The following ADGRV1 variants were observed in gnomAD, a reference collection of about 807,000 sequenced individuals.
The protein encoded by ADGRV1 is adhesion G protein-coupled receptor V1.
ADGRV1 carries 359 observed loss-of-function variants against 596.2 expected under a neutral mutation model. The ratio of observed to expected loss-of-function variants is 0.60; its 90% CI spans 0.55 to 0.66. The LOEUF is 0.66. Ranked by LOEUF, ADGRV1 falls within the 30% of genes least tolerant of loss-of-function variation. The pLI is 0.00. For missense variants in ADGRV1, 7,274 were observed against 7,575.6 expected (o/e 0.96, Z 1.48); for synonymous variants, 2,681 against 2,679.2 (o/e 1.00, Z -0.02).
chr5:91,062,320 C>T (rs919173388), intron 85 of ADGRV1, among the ~76,000 whole-genome samples: 1 of 152,202 alleles, frequency 6.6e-6, no homozygotes, highest in African/African-American at 2.4e-5. Flanking sequence ...CAGATTGGCT[C>T]AGCTCAGCTT....
intron 89 of ADGRV1, among the ~76,000 whole-genome samples, chr5:91,154,502 A>G (rs2126921784): frequency 6.6e-6 from 1 of 152,364 alleles, no homozygotes; most frequent in East Asian, 1.9e-4. Flanking sequence ...GCGGCGGCGC[A>G]AAGCAGATGC....
chr5:90,736,901 A>T (rs1297679120), intron 50 of ADGRV1, among the ~76,000 whole-genome samples: 3 of 148,788 alleles, frequency 2.0e-5, no homozygotes, highest in South Asian at 2.1e-4. Context: ...TTTTTCTTTT[A>T]AAAAAAAACA....
intron 83 of ADGRV1, among the ~76,000 whole-genome samples, chr5:90,949,856 A>G (rs962512813): frequency 1.3e-5 from 2 of 149,496 alleles, no homozygotes; most frequent in Admixed American, 6.6e-5. Context: ...GACTGTGTGC[A>G]TTGACTCTTT....
In ADGRV1 at chr5:91,140,388, A is replaced by G. The variant is rs1014404025; in HGVS notation, c.18433-9642A>G. Among the ~76,000 whole-genome samples the G allele has an allele frequency of 2.7e-4, 41 of 152,314 alleles. 1 individual carries two copies. The highest frequency in any genetic ancestry group is 9.7e-4 in the East Asian group (5 of 5,180). ...GCTAAACTCTTAAGGCCTTGTTTTC[A>G]AAAAGGTAATTAAAGGACACTGACC... is the stretch of plus-strand genomic sequence containing the variant. On this transcript the variant is annotated intron_variant, in intron 87 of 89. Transcript: ENST00000405460.
Position 90,945,841 on chromosome 5 carries a change from G to C in ADGRV1, c.17857-19574G>C, listed in dbSNP as rs541707337. On this transcript the variant is annotated intron_variant, in intron 83 of 89. Coordinates refer to ENST00000405460, the MANE Select transcript of ADGRV1 (RefSeq NM_032119.4). ...AAAATACAAAAATTTGGTGGGACAT[G>C]GTGGTGTGTGCCTGTAGTCCCAGCT... Among the ~76,000 whole-genome samples, 3 of 152,200 alleles carry C rather than the reference G, an allele frequency of 2.0e-5. No individual in the cohort carries two copies. In the South Asian group the frequency reaches 6.2e-4, roughly 32 times the overall value.
chr5:90,985,257 G>T, intron 84 of ADGRV1, 87 bp from the exon 85 acceptor site: 4 of 821,498 alleles, frequency 4.9e-6, no homozygotes, highest in African/African-American at 1.7e-5. Context: ...GCCTTTTGTT[G>T]GTCGGTAACA....
At chr5:91,089,928 G>A (rs563887680) in intron 86 of ADGRV1, among the ~76,000 whole-genome samples, 1 of 152,240 alleles carries the variant, frequency 6.6e-6, no homozygotes, top group African/African-American at 2.4e-5. Context: ...GCTGAGTTTT[G>A]AGCTCCTTAA....
intron 87 of ADGRV1, among the ~76,000 whole-genome samples, chr5:91,132,512 A>G (rs1368566624): frequency 6.6e-6 from 1 of 152,256 alleles, no homozygotes; most frequent in Admixed American, 6.5e-5. Context: ...ATAAAATCAC[A>G]GAGGTTGCAT....
At chr5:91,082,502 AT>A (rs949953496) in intron 86 of ADGRV1, among the ~76,000 whole-genome samples, 2 of 151,890 alleles carry the variant, frequency 1.3e-5, no homozygotes, top group Non-Finnish European at 2.9e-5. Flanking sequence ...AATTTTTAAA[AT>A]TTTTTTTACA....
chr5:90,683,954 C>A lies in ADGRV1; in HGVS notation c.6033C>A (p.Val2011=), dbSNP rs1187390519. The change falls in exon 28 of 90, where the codon GTC becomes GTA. Residue 2011 remains valine (V), a synonymous_variant. Coordinates refer to ENST00000405460, the MANE Select transcript of ADGRV1 (RefSeq NM_032119.4). ...IIRLKGLMGK[V]LVSYATLDDM... ...GGTTGAAAGGCCTCATGGGAAAAGT[C>A]CTTGTCTCATATGCAACACTAGATG... 35 of 1,613,710 alleles carry A rather than the reference C, an allele frequency of 2.2e-5. No individual in the cohort carries two copies. Among genetic ancestry groups the A allele is most frequent in the Non-Finnish European group, 2.9e-5 (34 of 1,179,866 alleles).
chr5:91,071,172 A>C (rs1193439945), intron 85 of ADGRV1, among the ~76,000 whole-genome samples: 2 of 152,152 alleles, frequency 1.3e-5, no homozygotes, highest in Non-Finnish European at 2.9e-5. Flanking sequence ...GGGAGAGAGC[A>C]GGTAGCTTGG....
intron 52 of ADGRV1, among the ~76,000 whole-genome samples, chr5:90,746,233 G>A (rs987797850): frequency 8.0e-6 from 1 of 124,760 alleles, no homozygotes; most frequent in Non-Finnish European, 1.6e-5. Flanking sequence ...GAGAATGAGA[G>A]GTGGGGTGGG....
intron 20 of ADGRV1, among the ~76,000 whole-genome samples, chr5:90,657,202 G>A (rs182979898): frequency 1.3e-5 from 2 of 150,594 alleles, no homozygotes; most frequent in African/African-American, 2.4e-5. Context: ...TGGGAGGATC[G>A]CTTGAGGCCA....
Position 91,150,172 on chromosome 5 carries a change from G to A in ADGRV1, c.18575G>A (p.Gly6192Glu), listed in dbSNP as rs369354773. 7.5e-6 allele frequency: 12 copies of A among 1,594,370 alleles called. No homozygotes were observed. Among genetic ancestry groups the A allele is most frequent in the East Asian group, 4.5e-5 (2 of 44,586 alleles). ...FTPGSGMPPA[G>E]GEISKSTQNL... ...CCCGGGAGTGGAATGCCTCCTGCTG[G>A]AGGGGAAATCAGCAAGTCCACCCAG... The change falls in exon 88 of 90, where the codon GGA (glycine) becomes GAA (glutamate). Residue 6192 changes from glycine to glutamate, a missense_variant. Gly to Glu is a moderately conservative substitution (Grantham distance 98). This residue lies in a region of ADGRV1 where 1,874 missense variants were observed against 1,970.2 expected (regional missense o/e 0.95). Coordinates refer to ENST00000405460, the MANE Select transcript of ADGRV1 (RefSeq NM_032119.4).
chr5:90,697,469 GA>G, intron 34 of ADGRV1, among the ~76,000 whole-genome samples: 1 of 147,648 alleles, frequency 6.8e-6, no homozygotes, highest in Admixed American at 6.6e-5. Context: ...AGGATTAAAT[GA>G]GCTAATAAAG....
chr5:90,811,034 A>G lies in ADGRV1; in HGVS notation c.15774A>G (p.Thr5258=). 6.2e-7 allele frequency: 1 copy of G among 1,614,034 alleles called. No homozygotes were observed. The highest frequency in any genetic ancestry group is 8.5e-7 in the Non-Finnish European group (1 of 1,179,904). ...GGTTTACTGGCAATGTCAGCATAAC[A>G]GTTAAAACTTTCGGTGAAAGATGTG... ...TGGFTGNVSI[T]VKTFGERCAQ... is the part of the protein sequence containing the mutation. Residue 5258 remains threonine, a synonymous_variant, in exon 74 of 90, where the codon ACA becomes ACG. Coordinates refer to ENST00000405460, the MANE Select transcript of ADGRV1 (RefSeq NM_032119.4).
intron 83 of ADGRV1, among the ~76,000 whole-genome samples, chr5:90,881,049 A>G (rs1446971872): frequency 6.6e-6 from 1 of 152,190 alleles, no homozygotes; most frequent in African/African-American, 2.4e-5. Context: ...TTTTCTTCAT[A>G]CCTGGATAAT....
At chr5:91,084,288 C>T (rs1173754222) in intron 86 of ADGRV1, among the ~76,000 whole-genome samples, 4 of 152,016 alleles carry the variant, frequency 2.6e-5, no homozygotes, top group Non-Finnish European at 5.9e-5. Flanking sequence ...TTGCCAATCA[C>T]CCAACCTACA....
chr5:90,585,255 A>AGAGAATTTTCTGAG (rs140207091), intron 1 of ADGRV1, among the ~76,000 whole-genome samples: 2 of 152,080 alleles, frequency 1.3e-5, no homozygotes. Context: ...AAAATCTGAG[A>AGAGAATTTTCTGAG]GAGAATTTTC....
Sources: allele counts gnomAD v4.1 joint callset (sites outside exome capture counted in the v4.1 genomes callset), GRCh38; gene constraint gnomAD v4.1.1; regional missense constraint gnomAD v4.1.1; transcripts MANE v1.5; gene names NCBI Gene and HGNC (gene_info 2026-07-23, HGNC 2026-07-21).